The following KLHL4 variants were observed in gnomAD, a reference collection of about 807,000 sequenced individuals.
The protein encoded by KLHL4 is kelch like family member 4, also known as kelch-like protein 4.
Under a neutral mutation model 45.8 loss-of-function variants are expected in KLHL4, and 17 were observed. The ratio of observed to expected loss-of-function variants is 0.37; its 90% confidence interval spans 0.25 to 0.56. KLHL4 has a LOEUF of 0.56. Ranked by LOEUF, KLHL4 falls within the 20% of genes least tolerant of loss-of-function variation. KLHL4 has a pLI of 0.79. For synonymous variants in KLHL4, 224 were observed against 189.9 expected (o/e 1.18, Z -1.47); for missense variants, 544 against 544.9 (o/e 1.00, Z 0.02).
intron 1 of KLHL4, among the ~76,000 whole-genome samples, chrX:87,572,603 A>C (rs1268980281): frequency 1.8e-5 from 2 of 111,064 alleles, no homozygotes; most frequent in Non-Finnish European, 3.8e-5. Context: ...AATCAGATTT[A>C]CATTTATAAA....
At chrX:87,632,734 A>G (rs1190509993) in intron 7 of KLHL4, among the ~76,000 whole-genome samples, 1 of 111,488 alleles carries the variant, frequency 9.0e-6, no homozygotes. Flanking sequence ...TCTAAGCTCA[A>G]TTTAGAGAGG....
chrX:87,617,978 A>G lies in KLHL4; in HGVS notation c.774A>G (p.Ala258=), dbSNP rs140549517. ...KEDTIESLLA[A]ACLLQLTQVI... The stretch of plus-strand genomic sequence containing the variant: ...ATACCATTGAAAGTTTGCTGGCTGC[A>G]GCTTGTCTTCTGCAGCTGACTCAGG... Residue 258 remains alanine (A), a synonymous_variant, in exon 4 of 11, where the codon GCA becomes GCG. Transcript: ENST00000373119. 14 of 1,209,598 alleles carry G rather than the reference A, an allele frequency of 1.2e-5. No individual in the cohort carries two copies. The African/African-American group carries it at 1.9e-4, about 17-fold the overall frequency.
intron 6 of KLHL4, among the ~76,000 whole-genome samples, chrX:87,628,945 C>T (rs1194196451): frequency 8.9e-6 from 1 of 111,790 alleles, no homozygotes; most frequent in Non-Finnish European, 1.9e-5. Context: ...AGTTAGTAAA[C>T]TTTGGATGTC....
At chrX:87,542,770 G>A in intron 1 of KLHL4, among the ~76,000 whole-genome samples, 1 of 112,062 alleles carries the variant, frequency 8.9e-6, no homozygotes. Context: ...TTTGAGCTTG[G>A]ACTTTTGGGT....
At chrX:87,642,230 C>A (rs1441335382) in intron 9 of KLHL4, among the ~76,000 whole-genome samples, 2 of 111,228 alleles carry the variant, frequency 1.8e-5, no homozygotes, top group African/African-American at 6.6e-5. Context: ...GTGCAGACAC[C>A]CCCCAGTACC....
intron 9 of KLHL4, among the ~76,000 whole-genome samples, chrX:87,662,929 C>CAAA (rs56333226): frequency 1.7e-5 from 1 of 59,324 alleles, no homozygotes; most frequent in African/African-American, 6.2e-5. Context: ...GACTCCGTCT[C>CAAA]AAAAAAAAAA....
intron 6 of KLHL4, among the ~76,000 whole-genome samples, chrX:87,631,827 G>T (rs765156408): frequency 1.8e-5 from 2 of 112,212 alleles, no homozygotes; most frequent in Non-Finnish European, 3.8e-5. Flanking sequence ...ATGTTGAATG[G>T]TCATAAGTAA....
At chrX:87,642,141 C>T (rs988879933) in intron 9 of KLHL4, among the ~76,000 whole-genome samples, 4 of 110,597 alleles carry the variant, frequency 3.6e-5, no homozygotes, top group African/African-American at 1.3e-4. Flanking sequence ...GACTCCATTG[C>T]ACCCCCTGCC....
At chrX:87,541,961 T>C (rs1931570023) in intron 1 of KLHL4, among the ~76,000 whole-genome samples, 1 of 112,034 alleles carries the variant, frequency 8.9e-6, no homozygotes, top group African/African-American at 3.2e-5. Context: ...CGGAACTCAT[T>C]GGGAACTAGA....
At chrX:87,537,494 A>G (rs1369199132) in intron 1 of KLHL4, among the ~76,000 whole-genome samples, 1 of 110,859 alleles carries the variant, frequency 9.0e-6, no homozygotes, top group Non-Finnish European at 1.9e-5. Context: ...ACACGTTTAT[A>G]TAAATATATA....
chrX:87,661,180 T>C (rs767848571), intron 9 of KLHL4, among the ~76,000 whole-genome samples: 10 of 111,864 alleles, frequency 8.9e-5, no homozygotes, highest in Non-Finnish European at 1.3e-4. Flanking sequence ...AGCAAGATAG[T>C]TTTCATTTAT....
intron 8 of KLHL4, 44 bp downstream of exon 8, chrX:87,633,955 T>C (rs1345040211): frequency 4.6e-6 from 5 of 1,092,527 alleles, no homozygotes; most frequent in African/African-American, 1.8e-5. Flanking sequence ...CCAGGTCATA[T>C]AGTATAGAAC....
intron 1 of KLHL4, among the ~76,000 whole-genome samples, chrX:87,530,394 A>G (rs1473012091): frequency 9.9e-6 from 1 of 101,209 alleles, no homozygotes; most frequent in East Asian, 3.5e-4. Context: ...AGCACTAGGT[A>G]TATCTCCCAA....
In KLHL4 at chrX:87,548,781, A is replaced by C. The variant is rs918522312; in HGVS notation, c.422+30466A>C. ...AAAAACATACATGGATTCATAAAAA[A>C]ACCAAGAATCTAAATTATATCACCA... On this transcript the variant is annotated intron_variant, in intron 1 of 10. Transcript: ENST00000373119. Among the ~76,000 whole-genome samples the C allele has an allele frequency of 2.7e-5, 3 of 109,346 alleles. No homozygotes were observed. The East Asian group carries it at 8.5e-4, about 31-fold the overall frequency. The allele number at this position is 109,346 out of a possible 115,157, so 95.0% of individuals were successfully genotyped here.
At chrX:87,590,743 A>T (rs1224126779) in intron 1 of KLHL4, among the ~76,000 whole-genome samples, 1 of 112,068 alleles carries the variant, frequency 8.9e-6, no homozygotes, top group Non-Finnish European at 1.9e-5. Context: ...TGAGAAAAAG[A>T]TAGTTCCTGC....
At chrX:87,559,143 G>T (rs1283790133) in intron 1 of KLHL4, among the ~76,000 whole-genome samples, 1 of 111,776 alleles carries the variant, frequency 8.9e-6, no homozygotes, top group African/African-American at 3.3e-5. Context: ...GTGTGACAGG[G>T]TCGCAATAAA....
chrX:87,570,570 TA>T (rs1456621884), intron 1 of KLHL4, among the ~76,000 whole-genome samples: 1 of 110,801 alleles, frequency 9.0e-6, no homozygotes, highest in African/African-American at 3.3e-5. Flanking sequence ...CTTCCCATAG[TA>T]AAAATCGATT....
intron 9 of KLHL4, among the ~76,000 whole-genome samples, chrX:87,659,928 C>T (rs1037397808): frequency 4.8e-5 from 5 of 103,947 alleles, no homozygotes; most frequent in East Asian, 3.0e-4. Flanking sequence ...TCTAGGGATG[C>T]GTGCTTTCCG....
intron 3 of KLHL4, among the ~76,000 whole-genome samples, chrX:87,616,288 C>G (rs1231218220): frequency 9.0e-6 from 1 of 111,064 alleles, no homozygotes; most frequent in African/African-American, 3.3e-5. Context: ...ATTTGAAGAC[C>G]ACGGTTCTAA....
Sources: allele counts gnomAD v4.1 joint callset (sites outside exome capture counted in the v4.1 genomes callset), GRCh38; gene constraint gnomAD v4.1.1; transcripts MANE v1.5; gene names NCBI Gene and HGNC (gene_info 2026-07-23, HGNC 2026-07-21).